AMZ2: variants seen among roughly 807,000 people sequenced by gnomAD.
The protein encoded by AMZ2 is archaelysin family metallopeptidase 2, also known as archaemetzincin-2.
Under a neutral mutation model 36.7 loss-of-function variants are expected in AMZ2, and 26 were observed. The ratio of observed to expected loss-of-function variants is 0.71; its 90% CI spans 0.52 to 0.98. The LOEUF is 0.98. AMZ2 is among the 50% of genes least tolerant of loss of function. AMZ2 has a pLI of 0.00. For missense variants in AMZ2, 394 were observed against 430.5 expected, an observed-to-expected ratio of 0.92 and a Z score of 0.75; for synonymous variants, 144 against 149.1, an observed-to-expected ratio of 0.97 and a Z score of 0.25.
intron 1 of AMZ2, among the ~76,000 whole-genome samples, chr17:68,239,998 CTGTT>C (rs1333748759): frequency 2.0e-5 from 3 of 152,200 alleles, no homozygotes; most frequent in African/African-American, 7.2e-5. Flanking sequence ...GTATTTTAGA[CTGTT>C]TGGGATGCTA....
Position 68,254,400 on chromosome 17 carries a change from G to A in AMZ2, c.587-4G>A, listed in dbSNP as rs1555741443. ...TTCTGTCACTGTTTGTCCTTTTTTT[G>A]TAGGTGTGGGGATATTCAGCTTTGC... On this transcript the variant is annotated splice_polypyrimidine_tract_variant and splice_region_variant and intron_variant, in intron 4 of 6. Transcript: ENST00000359904. 6.3e-7 allele frequency: 1 copy of A among 1,597,418 alleles called. No homozygotes were observed. Among genetic ancestry groups the A allele is most frequent in the African/African-American group, 1.4e-5 (1 of 73,590 alleles).
upstream of AMZ2, chr17:68,247,640 G>A (rs1233438270): frequency 7.1e-6 from 7 of 985,390 alleles, no homozygotes; most frequent in African/African-American, 1.0e-4. Flanking sequence ...GTCAACCTGC[G>A]GCGGCCGCCG....
intron 1 of AMZ2, among the ~76,000 whole-genome samples, chr17:68,208,477 C>T (rs1487610940): frequency 6.6e-6 from 1 of 152,128 alleles, no homozygotes; most frequent in Non-Finnish European, 1.5e-5. Flanking sequence ...GTGTTTAGCT[C>T]AGGGATTGTA....
intron 1 of AMZ2, among the ~76,000 whole-genome samples, chr17:68,216,744 C>A (rs545494775): frequency 6.6e-6 from 1 of 151,988 alleles, no homozygotes; most frequent in Middle Eastern, 3.4e-3. Context: ...TTTATGAAAT[C>A]TTTAGGCCGG....
intron 1 of AMZ2, among the ~76,000 whole-genome samples, chr17:68,232,192 G>A (rs1271947340): frequency 4.7e-5 from 7 of 149,422 alleles, no homozygotes; most frequent in Non-Finnish European, 7.4e-5. Context: ...CCTTAAGAAC[G>A]TGCCAATCAG....
chr17:68,212,986 C>G (rs1281265044), intron 1 of AMZ2, among the ~76,000 whole-genome samples: 2 of 152,152 alleles, frequency 1.3e-5, no homozygotes, highest in African/African-American at 2.4e-5. Flanking sequence ...ATCAAATCTT[C>G]AGGAACCAAT....
At chr17:68,251,522 C>T in intron 4 of AMZ2, 1 of 196,716 alleles carries the variant, frequency 5.1e-6, no homozygotes, top group Middle Eastern at 2.2e-3. Flanking sequence ...ACTAAATTAG[C>T]TGGGCATGGT....
chr17:68,237,019 G>A (rs782748962), intron 1 of AMZ2, among the ~76,000 whole-genome samples: 10 of 152,166 alleles, frequency 6.6e-5, no homozygotes, highest in Non-Finnish European at 2.9e-5. Context: ...CATAGCATGA[G>A]ATTGTTCTTT....
At chr17:68,253,411 G>C (rs544395038) in intron 4 of AMZ2, among the ~76,000 whole-genome samples, 1 of 152,332 alleles carries the variant, frequency 6.6e-6, no homozygotes, top group East Asian at 1.9e-4. Context: ...GCAGTACCCT[G>C]TAGGGTGAGT....
intron 1 of AMZ2, among the ~76,000 whole-genome samples, chr17:68,220,967 A>G (rs2073337959): frequency 6.6e-6 from 1 of 151,878 alleles, no homozygotes; most frequent in Non-Finnish European, 1.5e-5. Flanking sequence ...ATTCTTTAGT[A>G]GAGACAAGGT....
intron 1 of AMZ2, among the ~76,000 whole-genome samples, chr17:68,238,541 T>TAGAG (rs537475429): frequency 3.5e-4 from 42 of 120,696 alleles, no homozygotes; most frequent in East Asian, 1.1e-3. Context: ...CATATGTATA[T>TAGAG]ATATATAGAG....
intron 6 of AMZ2, 64 bp from the exon 7 acceptor site, chr17:68,256,750 T>G: frequency 6.5e-7 from 1 of 1,549,236 alleles, no homozygotes; most frequent in Non-Finnish European, 8.8e-7. Context: ...AGCCAATGCT[T>G]CTCTCTTGCC....
chr17:68,234,098 G>C (rs146861456), intron 1 of AMZ2, among the ~76,000 whole-genome samples: 134 of 152,278 alleles, frequency 8.8e-4, no homozygotes, highest in African/African-American at 3.0e-3. Context: ...TTGTGAGGCT[G>C]AGGCAGGCAG....
intron 1 of AMZ2, among the ~76,000 whole-genome samples, chr17:68,224,542 C>CT (rs34837469): frequency 0.073 from 9,966 of 137,120 alleles, 678 homozygotes; most frequent in African/African-American, 0.16. Context: ...TTGGGGGTAG[C>CT]TTTTTTTTTT....
At chr17:68,237,143 T>C (rs1373888604) in intron 1 of AMZ2, among the ~76,000 whole-genome samples, 1 of 152,182 alleles carries the variant, frequency 6.6e-6, no homozygotes, top group Non-Finnish European at 1.5e-5. Context: ...AACACTGTGA[T>C]GAGCCATCCT....
chr17:68,212,363 T>C (rs2073089568), intron 1 of AMZ2, among the ~76,000 whole-genome samples: 1 of 151,438 alleles, frequency 6.6e-6, no homozygotes, highest in Admixed American at 6.6e-5. Context: ...CAGAACCAAA[T>C]CTTGTTTCAA....
intron 1 of AMZ2, among the ~76,000 whole-genome samples, chr17:68,220,782 C>CTTTTTTT (rs11298867): frequency 1.3e-4 from 17 of 131,810 alleles, no homozygotes; most frequent in South Asian, 2.4e-4. Flanking sequence ...TTTTCTTTCT[C>CTTTTTTT]TTTTTTTTTT....
chr17:68,256,775 T>C (rs2074937830), intron 6 of AMZ2, 39 bp from the exon 7 acceptor site: 1 of 1,597,524 alleles, frequency 6.3e-7, no homozygotes, highest in African/African-American at 1.3e-5. Flanking sequence ...GGTATTTTGC[T>C]GTGGTTTGTT....
chr17:68,247,336 CAAAAAAAA>C (rs71142158), upstream of AMZ2: 31 of 78,204 alleles, frequency 4.0e-4, no homozygotes, highest in South Asian at 1.5e-3. Flanking sequence ...ACTCCGTCTC[CAAAAAAAA>C]AAAAAAAAAA....
Sources: allele counts gnomAD v4.1 joint callset (sites outside exome capture counted in the v4.1 genomes callset), GRCh38; gene constraint gnomAD v4.1.1; transcripts MANE v1.5; gene names NCBI Gene and HGNC (gene_info 2026-07-23, HGNC 2026-07-21).